The following CCDC81 variants were observed in gnomAD, a reference collection of about 807,000 sequenced individuals.
CCDC81 encodes coiled-coil domain-containing protein 81.
A neutral mutation model predicts 83.7 loss-of-function variants in CCDC81; 79 were observed. That is an observed-to-expected ratio of 0.94 (90% CI 0.79 to 1.14). The LOEUF (loss-of-function observed/expected upper bound fraction) is 1.14, where lower values mean the gene tolerates loss of function less well. Among genes scored for constraint, CCDC81 ranks in the 50% most tolerant of loss-of-function variants. The probability of loss-of-function intolerance (pLI) is 0.00; values close to 1 mark genes in which losing one functional copy is unlikely to be tolerated. For synonymous variants in CCDC81, 252 were observed against 278.1 expected (o/e 0.91, Z 0.93); for missense variants, 791 against 778.1 (o/e 1.02, Z -0.20).
At chr11:86,409,450 T>A in intron 10 of CCDC81, 85 bp downstream of exon 10, 1 of 582,154 alleles carries the variant, frequency 1.7e-6, no homozygotes, top group Non-Finnish European at 2.9e-6. Flanking sequence ...GGTTGTGCCT[T>A]ATTTTTTATT....
At position 86,408,118 on chromosome 11, in the gene CCDC81, G is replaced by C. The variant is rs369292458; in HGVS notation, c.970-9G>C. On this transcript the variant is annotated splice_polypyrimidine_tract_variant and intron_variant, in intron 8 of 14. Transcript: ENST00000445632. Reference sequence around the variant, plus strand: ...AAAAATTTATTTGTCCTGAAATTTGGGATTGTAGGAAATGTGCTATGTATG... The same window carrying C: ...AAAAATTTATTTGTCCTGAAATTTGCGATTGTAGGAAATGTGCTATGTATG... 6.2e-7 allele frequency: 1 copy of C among 1,606,440 alleles called. No individual in the cohort carries two copies. The highest frequency in any genetic ancestry group is 1.3e-5 in the African/African-American group (1 of 74,470).
intron 1 of CCDC81, among the ~76,000 whole-genome samples, chr11:86,378,925 T>C (rs527379910): frequency 1.3e-5 from 2 of 152,266 alleles, no homozygotes; most frequent in East Asian, 3.9e-4. Flanking sequence ...CCAGCAATCT[T>C]TGTCTTTTAA....
chr11:86,415,397 C>A, intron 13 of CCDC81, 84 bp downstream of exon 13: 2 of 1,056,660 alleles, frequency 1.9e-6, no homozygotes, highest in Non-Finnish European at 2.8e-6. Context: ...CCTGTCCCTG[C>A]CCCTCATCTT....
At chr11:86,391,052 G>T (rs1335138158) in intron 3 of CCDC81, among the ~76,000 whole-genome samples, 3 of 152,136 alleles carry the variant, frequency 2.0e-5, no homozygotes, top group African/African-American at 7.2e-5. Context: ...AGCCAGCAAA[G>T]GGGGCCAAGG....
intron 1 of CCDC81, among the ~76,000 whole-genome samples, chr11:86,385,129 T>C (rs1175109377): frequency 6.6e-6 from 1 of 152,260 alleles, no homozygotes. Context: ...GGCTCATGCC[T>C]GTAATCCCAG....
chr11:86,404,389 A>C (rs563937292), intron 7 of CCDC81, among the ~76,000 whole-genome samples: 8 of 152,202 alleles, frequency 5.3e-5, no homozygotes, highest in Non-Finnish European at 1.2e-4. Flanking sequence ...TGTACCTGCT[A>C]GTTGTGTCAG....
intron 14 of CCDC81, among the ~76,000 whole-genome samples, chr11:86,420,302 T>C (rs555111853): frequency 1.0e-3 from 155 of 152,220 alleles, no homozygotes; most frequent in Non-Finnish European, 2.0e-3. Context: ...TTAGGGTGGC[T>C]TTATTTGCTT....
At position 86,392,547 on chromosome 11, in the gene CCDC81, TC is replaced by T. The variant is rs767097547; in HGVS notation, c.308del (p.Pro103GlnfsTer9). 6.4e-7 allele frequency: 1 copy of T among 1,550,600 alleles called. No individual in the cohort carries two copies. The highest frequency in any genetic ancestry group is 2.4e-5 in the East Asian group (1 of 40,894). On this transcript the variant is annotated frameshift_variant, in exon 4 of 15. Coordinates refer to ENST00000445632, the MANE Select transcript of CCDC81 (RefSeq NM_001156474.2). LOFTEE classifies it high-confidence loss of function. The stretch of plus-strand genomic sequence containing the variant: ...ACTGTCTTTTCTCCTTTAGGTGAAA[TC>T]CCAATTGTTCCACTTAATTTTGTCA... ...KQNKVYTPGE[I>X]PIVPLNFVMI...
intron 13 of CCDC81, among the ~76,000 whole-genome samples, chr11:86,418,351 C>T (rs1160848199): frequency 2.0e-5 from 3 of 152,130 alleles, no homozygotes; most frequent in Non-Finnish European, 4.4e-5. Context: ...AATTCCCCTT[C>T]TGGATATGTA....
rs1348147335 is a variant in CCDC81, at chr11:86,387,569, G to T, written c.195G>T (p.Glu65Asp). The change falls in exon 3 of 15, where the codon GAG (glutamate) becomes GAT (aspartate). Residue 65 changes from glutamate to aspartate, a missense_variant. Coordinates refer to ENST00000445632, the MANE Select transcript of CCDC81 (RefSeq NM_001156474.2). ...TCACTTTCATAAGACAAAAGCTTGA[G>T]GTGGGAAACAACAAATTTATCTTAA... ...GTFTFIRQKL[E>D]VGNNKFILIQ... 6.2e-7 allele frequency: 1 copy of T among 1,613,710 alleles called. No homozygotes were observed. The highest frequency in any genetic ancestry group is 1.3e-5 in the African/African-American group (1 of 74,896).
chr11:86,385,277 C>T (rs1177913129), intron 1 of CCDC81, among the ~76,000 whole-genome samples: 2 of 151,926 alleles, frequency 1.3e-5, no homozygotes, highest in Non-Finnish European at 2.9e-5. Flanking sequence ...CTCAGCTACT[C>T]GGGAGGCTGA....
intron 1 of CCDC81, among the ~76,000 whole-genome samples, chr11:86,377,435 C>T (rs766890972): frequency 6.6e-6 from 1 of 152,086 alleles, no homozygotes; most frequent in Non-Finnish European, 1.5e-5. Context: ...AATGAGAATT[C>T]TTGTCACTCC....
intron 10 of CCDC81, among the ~76,000 whole-genome samples, chr11:86,409,643 G>T (rs1255491922): frequency 2.0e-5 from 3 of 152,158 alleles, no homozygotes; most frequent in Non-Finnish European, 4.4e-5. Context: ...TAGAGACAGG[G>T]TTTCGCCATG....
intron 7 of CCDC81, among the ~76,000 whole-genome samples, chr11:86,404,846 A>G (rs1198377562): frequency 6.6e-6 from 1 of 152,166 alleles, no homozygotes; most frequent in Non-Finnish European, 1.5e-5. Context: ...GACACATTTT[A>G]TTACTTTTTC....
rs1948655310 is a variant in CCDC81 at position 86,412,395 on chromosome 11, C to G, written c.1227C>G (p.Phe409Leu). The change falls in exon 11 of 15, where the codon TTC becomes TTG. Residue 409 changes from phenylalanine to leucine, a missense_variant. Coordinates refer to ENST00000445632, the MANE Select transcript of CCDC81 (RefSeq NM_001156474.2). ...KNEKPEFYKS[F>L]LFDKRPLSPA... ...CTTCTCTTTCATTCTAGAAATCCTT[C>G]CTATTTGACAAACGGCCACTCAGTC... The G allele has an allele frequency of 6.3e-7, 1 of 1,585,596 alleles. No individual in the cohort carries two copies. Among genetic ancestry groups the G allele is most frequent in the Admixed American group, 1.9e-5 (1 of 52,618 alleles).
intron 7 of CCDC81, among the ~76,000 whole-genome samples, chr11:86,401,354 A>G (rs1195748168): frequency 1.3e-5 from 2 of 152,144 alleles, no homozygotes; most frequent in Admixed American, 6.5e-5. Context: ...AAATCAGTCA[A>G]CCATACTCAA....
intron 5 of CCDC81, among the ~76,000 whole-genome samples, chr11:86,395,653 C>G (rs1241293176): frequency 1.3e-5 from 2 of 152,206 alleles, no homozygotes; most frequent in South Asian, 2.1e-4. Flanking sequence ...CGGAGTCTTG[C>G]TCTGTCACCC....
chr11:86,413,490 T>C (rs892709910), intron 11 of CCDC81, among the ~76,000 whole-genome samples: 2 of 151,808 alleles, frequency 1.3e-5, no homozygotes, highest in African/African-American at 4.8e-5. Context: ...CACTTCCATA[T>C]CGTTTAAAGG....
chr11:86,410,813 T>C (rs918302489), intron 10 of CCDC81, among the ~76,000 whole-genome samples: 1 of 152,236 alleles, frequency 6.6e-6, no homozygotes, highest in African/African-American at 2.4e-5. Flanking sequence ...TATTTAGTCA[T>C]GATCACAATA....
Sources: allele counts gnomAD v4.1 joint callset (sites outside exome capture counted in the v4.1 genomes callset), GRCh38; gene constraint gnomAD v4.1.1; transcripts MANE v1.5; gene names NCBI Gene and HGNC (gene_info 2026-07-23, HGNC 2026-07-21).